Variants in CEP250 observed in about 807,000 individuals in gnomAD.
The protein encoded by CEP250 is centrosome-associated protein CEP250.
A neutral mutation model predicts 315.7 loss-of-function variants in CEP250; 242 were observed. The observed-to-expected ratio is 0.77, with a 90% confidence interval of 0.69 to 0.85. The LOEUF (loss-of-function observed/expected upper bound fraction) is 0.85. Among genes scored for constraint, CEP250 ranks in the 40% least tolerant of loss-of-function variants. The pLI, the probability that CEP250 is intolerant of heterozygous loss-of-function variation, is 0.00. For missense variants in CEP250, 2,515 were observed against 2,886.4 expected (o/e 0.87, Z 2.95); for synonymous variants, 1,088 against 1,175.0 (o/e 0.93, Z 1.51).
chr20:35,508,665 C>T (rs1033385940), intron 32 of CEP250, among the ~76,000 whole-genome samples: 25 of 152,332 alleles, frequency 1.6e-4, no homozygotes, highest in Non-Finnish European at 3.2e-4. Context: ...TGGCTGCTTC[C>T]CTGCTATGCC....
chr20:35,509,903 G>T (rs769221939), intron 33 of CEP250, 95 bp from the exon 34 acceptor site: 69 of 1,126,888 alleles, frequency 6.1e-5, no homozygotes, highest in Non-Finnish European at 8.5e-5. Flanking sequence ...CCTTGCCCAG[G>T]CCCCTAAGAT....
chr20:35,479,365 G>C lies in CEP250; in HGVS notation c.2229G>C (p.Val743=). 1 of 1,614,214 alleles carries C rather than the reference G, an allele frequency of 6.2e-7. No individual in the cohort carries two copies. The highest frequency in any genetic ancestry group is 8.5e-7 in the Non-Finnish European group (1 of 1,180,038). ...TACGAGAGAAAGCGGCTCTAGAGGT[G>C]CGGCTGCAGGCCGTGGAGCGTGACC... The part of the protein sequence containing the change: ...ALVREKAALE[V]RLQAVERDRQ... Residue 743 remains valine, a synonymous_variant, in exon 18 of 35, where the codon GTG becomes GTC. Transcript: ENST00000397527.
Position 35,466,008 on chromosome 20 carries a change from T to A in CEP250, c.327-31T>A, listed in dbSNP as rs761861984. ...CCAAGGGTTGGACTAGACCTTTATT[T>A]TGCACCCACTTTTACCCCTCCCCAG... is the stretch of plus-strand genomic sequence containing the variant. On this transcript the variant is annotated intron_variant, in intron 6 of 34. Transcript: ENST00000397527. 5.0e-6 allele frequency: 8 copies of A among 1,612,782 alleles called. No individual in the cohort carries two copies. In the African/African-American group the frequency reaches 6.7e-5, roughly 13 times the overall value.
intron 2 of CEP250, among the ~76,000 whole-genome samples, chr20:35,459,456 A>G (rs1322101501): frequency 6.6e-6 from 1 of 152,094 alleles, no homozygotes; most frequent in Non-Finnish European, 1.5e-5. Context: ...ATTAGGTTGA[A>G]TGATGTGAAA....
chr20:35,457,914 A>G (rs2062667928), intron 1 of CEP250, among the ~76,000 whole-genome samples: 1 of 152,218 alleles, frequency 6.6e-6, no homozygotes, highest in East Asian at 1.9e-4. Flanking sequence ...AAAAGGCAGC[A>G]AAGGAGACTG....
intron 30 of CEP250, among the ~76,000 whole-genome samples, chr20:35,505,817 C>G (rs929787611): frequency 2.0e-5 from 3 of 152,012 alleles, no homozygotes; most frequent in Non-Finnish European, 2.9e-5. Flanking sequence ...TGGGAAGAGA[C>G]CGGAAGACAG....
chr20:35,473,455 A>G lies in CEP250; in HGVS notation c.1291A>G (p.Lys431Glu). Reference sequence around the variant, plus strand: ...GCATGATCAGTGGGAGGAAGAGGGCAAAGCCTTGAGACAGCGGCTGCAGAA... The same window carrying G: ...GCATGATCAGTGGGAGGAAGAGGGCGAAGCCTTGAGACAGCGGCTGCAGAA... ...QQHDQWEEEG[K>E]ALRQRLQKLT... The change falls in exon 13 of 35, where the codon AAA becomes GAA. Residue 431 changes from lysine (K) to glutamate (E), a missense_variant. Lys to Glu is a moderately conservative substitution (Grantham distance 56). Transcript: ENST00000397527. The G allele has an allele frequency of 1.2e-6, 2 of 1,614,210 alleles. No homozygotes were observed. Among genetic ancestry groups the G allele is most frequent in the African/African-American group, 1.3e-5 (1 of 75,060 alleles).
Position 35,501,829 on chromosome 20 carries a change from TCC to T in CEP250, c.3899-15_3899-14del, listed in dbSNP as rs2064012961. ...TTACTCCACTACCTCTCCTCTCCTC[TCC>T]TCTCTTCTCAAAGAGAAATCTAAGT... On this transcript the variant is annotated splice_polypyrimidine_tract_variant and intron_variant, in intron 28 of 34. Coordinates refer to ENST00000397527, the MANE Select transcript of CEP250 (RefSeq NM_007186.6). 2.1e-6 allele frequency: 3 copies of T among 1,417,662 alleles called. No individual in the cohort carries two copies. The highest frequency in any genetic ancestry group is 2.9e-5 in the African/African-American group (1 of 33,916). The allele number at this position is 1,417,662 out of a possible 1,614,324, so 87.8% of individuals were successfully genotyped here.
chr20:35,473,327 C>T, intron 12 of CEP250, 47 bp from the exon 13 acceptor site: 1 of 1,550,670 alleles, frequency 6.4e-7, no homozygotes, highest in East Asian at 2.3e-5. Flanking sequence ...TGACATCCCT[C>T]CTTTGCCCTT....
chr20:35,508,483 TG>T (rs2064260043), intron 32 of CEP250, among the ~76,000 whole-genome samples: 1 of 151,954 alleles, frequency 6.6e-6, no homozygotes, highest in African/African-American at 2.4e-5. Flanking sequence ...CCTGGCTAAT[TG>T]TTGTATTTTT....
At chr20:35,494,896 C>T (rs1439180294) in intron 24 of CEP250, among the ~76,000 whole-genome samples, 1 of 152,152 alleles carries the variant, frequency 6.6e-6, no homozygotes, top group Admixed American at 6.5e-5. Flanking sequence ...CAGTGATAAA[C>T]AAGACTGTAT....
chr20:35,465,487 G>C (rs1249696200), intron 5 of CEP250, among the ~76,000 whole-genome samples: 2 of 152,028 alleles, frequency 1.3e-5, no homozygotes. Flanking sequence ...TAGTGTAGTG[G>C]AAGTTAAGGC....
At chr20:35,494,893 A>G (rs913482831) in intron 24 of CEP250, among the ~76,000 whole-genome samples, 4 of 152,240 alleles carry the variant, frequency 2.6e-5, no homozygotes, top group African/African-American at 9.6e-5. Flanking sequence ...ATACAGTGAT[A>G]AACAAGACTG....
chr20:35,511,465 A>G lies in CEP250; in HGVS notation c.7168A>G (p.Ser2390Gly). ...CCGTGAGCTAGCAGGCCTGCACCAC[A>G]GCCTCTCACACTCACTTCTTGCCGT... ...TSRELAGLHH[S>G]LSHSLLAVAQ... The change falls in exon 35 of 35, where the codon AGC becomes GGC. Residue 2390 changes from serine (S) to glycine (G), a missense_variant. Ser to Gly is a moderately conservative substitution (Grantham distance 56). Coordinates refer to ENST00000397527, the MANE Select transcript of CEP250 (RefSeq NM_007186.6). 1.2e-6 allele frequency: 2 copies of G among 1,614,058 alleles called. No homozygotes were observed. The highest frequency in any genetic ancestry group is 1.7e-6 in the Non-Finnish European group (2 of 1,180,012).
In CEP250 at chr20:35,462,440, C is replaced by G. The variant is rs772742308; in HGVS notation, c.73C>G (p.Leu25Val). The G allele has an allele frequency of 1.9e-6, 3 of 1,604,944 alleles. No individual in the cohort carries two copies. Among genetic ancestry groups the G allele is most frequent in the African/African-American group, 1.3e-5 (1 of 74,762 alleles). The part of the protein sequence containing the change: ...SLQLVLEEQV[L>V]ALQQQMAENQ... ...GCAGCTGGTACTGGAAGAGCAGGTG[C>G]TGGCACTACAGCAGCAGATGGCAGA... Residue 25 changes from leucine to valine, a missense_variant, in exon 4 of 35, where the codon CTG (leucine) becomes GTG (valine). Physicochemically the swap from Leu to Val is conservative, Grantham distance 32. Transcript: ENST00000397527.
chr20:35,469,782 T>C, intron 9 of CEP250, 108 bp from the exon 10 acceptor site: 2 of 597,598 alleles, frequency 3.3e-6, no homozygotes, highest in South Asian at 2.4e-5. Context: ...TGGGGGAGGC[T>C]GCAGTTGGGA....
chr20:35,471,038 T>C (rs942081235), intron 10 of CEP250, among the ~76,000 whole-genome samples: 2 of 152,216 alleles, frequency 1.3e-5, no homozygotes, highest in Non-Finnish European at 2.9e-5. Context: ...CCTGAACCCC[T>C]ATTCATATGT....
rs1254554465 is a variant in CEP250, at chr20:35,516,039, A to G, written c.*4413A>G. On this transcript the variant is annotated 3_prime_UTR_variant, in exon 35 of 35. Transcript: ENST00000397527. ...GACCTCTTCTTAGCCTTTCATTGGC[A>G]ATACTACCAGCTCTATATATGCCCT... The G allele has an allele frequency of 1.3e-5, 2 of 152,238 alleles. No homozygotes were observed. Among genetic ancestry groups the G allele is most frequent in the Non-Finnish European group, 2.9e-5 (2 of 68,060 alleles). 9.4% of individuals were successfully genotyped at this position (152,238 alleles called of 1,614,324 possible). A position where few individuals can be genotyped will look rare whatever the true frequency, so the allele number is the denominator to read the frequency against.
intron 25 of CEP250, among the ~76,000 whole-genome samples, chr20:35,497,333 T>TAA (rs1342843402): frequency 3.3e-5 from 5 of 152,184 alleles, no homozygotes; most frequent in Admixed American, 6.5e-5. Context: ...ATAACCATTA[T>TAA]AGGAATATAT....
Sources: gnomAD v4.1 joint callset for allele counts (sites outside exome capture counted in the v4.1 genomes callset) on GRCh38, gnomAD v4.1.1 for gene constraint, MANE v1.5 for transcripts, NCBI Gene and HGNC (gene_info 2026-07-23, HGNC 2026-07-21) for gene names.